Variants in TSPAN33 observed in about 807,000 individuals in gnomAD.
TSPAN33 encodes the protein tetraspanin 33, also known as tetraspanin-33.
In TSPAN33, 27 loss-of-function variants were observed where a neutral mutation model predicts 34.8. The observed-to-expected ratio is 0.78, with a 90% CI of 0.57 to 1.07. The LOEUF is 1.07. Among genes scored for constraint, TSPAN33 ranks in the 50% least tolerant of loss-of-function variants. The probability of loss-of-function intolerance (pLI) is 0.00; values close to 1 mark genes in which losing one functional copy is unlikely to be tolerated. For missense variants in TSPAN33, 272 were observed against 324.9 expected, an observed-to-expected ratio of 0.84 and a Z score of 1.25; for synonymous variants, 119 against 124.2, an observed-to-expected ratio of 0.96 and a Z score of 0.28.
intron 1 of TSPAN33, among the ~76,000 whole-genome samples, chr7:129,156,822 G>A (rs1810670901): frequency 6.6e-6 from 1 of 152,156 alleles, no homozygotes; most frequent in Non-Finnish European, 1.5e-5. Context: ...CTTCTCCAAG[G>A]AGCCCAGGGG....
intron 6 of TSPAN33, 60 bp downstream of exon 6, chr7:129,166,966 G>C: frequency 1.3e-6 from 2 of 1,574,402 alleles, no homozygotes; most frequent in Non-Finnish European, 1.7e-6. Flanking sequence ...TTTCTGATGG[G>C]GGCAGCTGCT....
In TSPAN33 at chr7:129,163,003, C is replaced by T; in HGVS notation, c.363+96C>T. The T allele has an allele frequency of 2.5e-6, 3 of 1,182,580 alleles. No homozygotes were observed. The South Asian group carries it at 4.0e-5, about 16-fold the overall frequency. 73.3% of individuals were successfully genotyped at this position (1,182,580 alleles called of 1,614,324 possible). ...TAGCCTGGTTAATTAACCACAGCTC[C>T]TTCCCCTGAGAAACATCAGTCGTTG... On this transcript the variant is annotated intron_variant, in intron 4 of 7. Transcript: ENST00000486685.
At position 129,169,001 on chromosome 7, in the gene TSPAN33, G is replaced by A. The variant is rs527252540; in HGVS notation, c.*1127G>A. ...TGCATTGCCACCCTCCCACAGCCTC[G>A]CCCTCTGCTCTAAATTAGGTCGAAA... On this transcript the variant is annotated 3_prime_UTR_variant, in exon 8 of 8. Transcript: ENST00000486685. 1.3e-5 allele frequency among the ~76,000 whole-genome samples: 2 copies of A among 152,198 alleles called. No individual in the cohort carries two copies. Among genetic ancestry groups the A allele is most frequent in the South Asian group, 4.2e-4 (2 of 4,818 alleles).
chr7:129,167,030 A>C lies in TSPAN33; in HGVS notation c.588+124A>C. Reference sequence around the variant, plus strand: ...CGATCAGTCATGTGGGACAGCTGTCAGGTGTTTTTCTTCACCCCAACCTGA... The same window carrying C: ...CGATCAGTCATGTGGGACAGCTGTCCGGTGTTTTTCTTCACCCCAACCTGA... On this transcript the variant is annotated intron_variant, in intron 6 of 7. Transcript: ENST00000486685. The surrounding 1 kb of genome is among the most constrained non-coding windows in gnomAD (Gnocchi z 4.6). 8.1e-7 allele frequency: 1 copy of C among 1,234,662 alleles called. No homozygotes were observed. The highest frequency in any genetic ancestry group is 1.1e-6 in the Non-Finnish European group (1 of 884,920). The allele number at this position is 1,234,662 out of a possible 1,614,324, so 76.5% of individuals were successfully genotyped here. A position where few individuals can be genotyped will look rare whatever the true frequency, so the allele number is the denominator to read the frequency against.
At chr7:129,166,672 T>A in intron 5 of TSPAN33, 106 bp from the exon 6 acceptor site, 1 of 1,424,762 alleles carries the variant, frequency 7.0e-7, no homozygotes, top group Admixed American at 2.2e-5. Context: ...CAACCTAAAG[T>A]TCCCAGTAGA....
At chr7:129,147,604 C>G (rs1810538056) in intron 1 of TSPAN33, among the ~76,000 whole-genome samples, 1 of 152,190 alleles carries the variant, frequency 6.6e-6, no homozygotes, top group African/African-American at 2.4e-5. Flanking sequence ...CCATCCTAAT[C>G]AAATTCTGCT....
chr7:129,150,362 T>A (rs1810576348), intron 1 of TSPAN33, among the ~76,000 whole-genome samples: 1 of 152,150 alleles, frequency 6.6e-6, no homozygotes, highest in Non-Finnish European at 1.5e-5. Flanking sequence ...CCAGCTGCAA[T>A]CTTCCTTCCC....
At chr7:129,166,276 C>T (rs1217144026) in intron 5 of TSPAN33, among the ~76,000 whole-genome samples, 1 of 152,150 alleles carries the variant, frequency 6.6e-6, no homozygotes, top group East Asian at 1.9e-4. Flanking sequence ...GCTTCTGAGA[C>T]AAGTCCTGAG....
intron 1 of TSPAN33, among the ~76,000 whole-genome samples, chr7:129,152,779 C>T (rs993853832): frequency 2.6e-5 from 4 of 151,958 alleles, no homozygotes; most frequent in African/African-American, 9.7e-5. Context: ...CTAAGTGAAC[C>T]GAACGCGGGT....
chr7:129,169,645 C>T lies in TSPAN33; in HGVS notation c.*1771C>T, dbSNP rs1793203127. The T allele has an allele frequency of 1.3e-5, 2 of 152,220 alleles. No homozygotes were observed. Among genetic ancestry groups the T allele is most frequent in the African/African-American group, 4.8e-5 (2 of 41,458 alleles). 9.4% of individuals were successfully genotyped at this position (152,220 alleles called of 1,614,324 possible). ...GGGACCCTGGCCAGTGTTTAGCTCC[C>T]AACTAGTAACAGACGGAAAGAAAAA... On this transcript the variant is annotated 3_prime_UTR_variant, in exon 8 of 8. Transcript: ENST00000486685.
chr7:129,149,184 G>A (rs957893307), intron 1 of TSPAN33, among the ~76,000 whole-genome samples: 9 of 152,294 alleles, frequency 5.9e-5, no homozygotes, highest in South Asian at 2.1e-4. Context: ...TGCAGGTCGC[G>A]TGCACACTTC....
chr7:129,144,724 C>A lies in TSPAN33; in HGVS notation c.-257C>A, dbSNP rs1305223385. On this transcript the variant is annotated 5_prime_UTR_variant, in exon 1 of 8. Coordinates refer to ENST00000486685, the MANE Select transcript of TSPAN33 (RefSeq NM_178562.5). The stretch of plus-strand genomic sequence containing the variant: ...CGGGTTTCCTGGGCGCCTGGCTGGC[C>A]GGGCTGGTCCTGCGGCCGCGGGTGA... Among the ~76,000 whole-genome samples the A allele has an allele frequency of 6.6e-6, 1 of 151,970 alleles. No individual in the cohort carries two copies. Among genetic ancestry groups the A allele is most frequent in the African/African-American group, 2.4e-5 (1 of 41,532 alleles).
chr7:129,147,022 C>A (rs1158482088), intron 1 of TSPAN33, among the ~76,000 whole-genome samples: 1 of 151,512 alleles, frequency 6.6e-6, no homozygotes, highest in Non-Finnish European at 1.5e-5. Flanking sequence ...GAGATCTCAG[C>A]CAGGAGAGAG....
intron 1 of TSPAN33, among the ~76,000 whole-genome samples, chr7:129,158,233 A>T (rs564217463): frequency 1.3e-5 from 2 of 152,370 alleles, no homozygotes; most frequent in African/African-American, 4.8e-5. Context: ...TCACATTTGC[A>T]AAGTTCCTTT....
intron 1 of TSPAN33, among the ~76,000 whole-genome samples, chr7:129,150,858 G>A (rs1477635733): frequency 1.3e-5 from 2 of 151,940 alleles, no homozygotes; most frequent in Admixed American, 1.3e-4. Flanking sequence ...GCTAGGGAAG[G>A]GCCAGCCTTT....
chr7:129,164,633 T>C (rs71583817), intron 5 of TSPAN33, 64 bp downstream of exon 5: 257,990 of 1,432,282 alleles, frequency 0.18, 23,597 homozygotes, highest in Admixed American at 0.24. Context: ...AAGAGATGCC[T>C]CACCCTCTAT....
rs1793200559 is a variant in TSPAN33 at position 129,169,490 on chromosome 7, G to A, written c.*1616G>A. 6.6e-6 allele frequency: 1 copy of A among 152,226 alleles called. No individual in the cohort carries two copies. The highest frequency in any genetic ancestry group is 2.4e-5 in the African/African-American group (1 of 41,426). The allele number at this position is 152,226 out of a possible 1,614,324, so 9.4% of individuals were successfully genotyped here. On this transcript the variant is annotated 3_prime_UTR_variant, in exon 8 of 8. Transcript: ENST00000486685. ...CCCGCTATCGGGCGCTCAGACCAGG[G>A]GCTCGGCCTGGCGGGAAATAGCCTC...
At chr7:129,160,808 C>T (rs770057021) in intron 1 of TSPAN33, among the ~76,000 whole-genome samples, 3 of 152,212 alleles carry the variant, frequency 2.0e-5, no homozygotes, top group Non-Finnish European at 2.9e-5. Flanking sequence ...GGTATAAAAC[C>T]TGTCCTTTGA....
rs879384035 is a variant in TSPAN33, at chr7:129,169,416, T to A, written c.*1542T>A. The stretch of plus-strand genomic sequence containing the variant: ...CCCCAACCCGGAGGAGATGGGGGGC[T>A]GTGCTAGCTGCTTGCCCAGCGAGTG... On this transcript the variant is annotated 3_prime_UTR_variant, in exon 8 of 8. Transcript: ENST00000486685. 1 of 152,248 alleles carries A rather than the reference T, an allele frequency of 6.6e-6. No individual in the cohort carries two copies. The highest frequency in any genetic ancestry group is 1.5e-5 in the Non-Finnish European group (1 of 68,066). 9.4% of individuals were successfully genotyped at this position (152,248 alleles called of 1,614,324 possible).
Sources: gnomAD v4.1 joint callset for allele counts (sites outside exome capture counted in the v4.1 genomes callset) on GRCh38, gnomAD v4.1.1 for gene constraint, Gnocchi (gnomAD v3.1) non-coding constraint, MANE v1.5 for transcripts, NCBI Gene and HGNC (gene_info 2026-07-23, HGNC 2026-07-21) for gene names.